METTL9: variants seen among roughly 807,000 people sequenced by gnomAD.
METTL9 encodes protein-L-histidine N-pros-methyltransferase.
A neutral mutation model predicts 36.0 loss-of-function variants in METTL9; 10 were observed. The observed-to-expected ratio is 0.28, with a 90% confidence interval of 0.17 to 0.47. The LOEUF is 0.47. Ranked by LOEUF, METTL9 falls within the 20% of genes least tolerant of loss-of-function variation. The pLI, the probability that METTL9 is intolerant of heterozygous loss-of-function variation, is 0.99. For missense variants in METTL9, 246 were observed against 383.5 expected (o/e 0.64, Z 3.00); for synonymous variants, 175 against 149.7 (o/e 1.17, Z -1.23).
At chr16:21,610,935 G>A (rs1248306187) in intron 1 of METTL9, among the ~76,000 whole-genome samples, 1 of 152,124 alleles carries the variant, frequency 6.6e-6, no homozygotes, top group African/African-American at 2.4e-5. Flanking sequence ...CGTGCACCAG[G>A]AGGTCATGAG....
chr16:21,647,505 G>A lies in METTL9; in HGVS notation c.752-7722G>A, dbSNP rs749276966. 1.9e-5 allele frequency: 31 copies of A among 1,599,614 alleles called. No homozygotes were observed. In the South Asian group the frequency reaches 3.3e-4, roughly 17 times the overall value. ...GCGCCCACAGCACCTGTGGGAGGAA[G>A]CAGATGAGTGGGTTAATGGGCCTGC... On this transcript the variant is annotated intron_variant, in intron 4 of 4. Coordinates refer to ENST00000358154, the MANE Select transcript of METTL9 (RefSeq NM_016025.5).
chr16:21,601,533 C>T (rs1965126475), intron 1 of METTL9, among the ~76,000 whole-genome samples: 1 of 152,098 alleles, frequency 6.6e-6, no homozygotes, highest in Non-Finnish European at 1.5e-5. Flanking sequence ...AAGAATTGCA[C>T]TTATTTTAAA....
At chr16:21,608,034 A>G (rs1019814526) in intron 1 of METTL9, among the ~76,000 whole-genome samples, 2 of 152,236 alleles carry the variant, frequency 1.3e-5, no homozygotes, top group Admixed American at 6.5e-5. Context: ...CTGTAATCCC[A>G]GCTGCTTGGG....
chr16:21,623,221 G>A (rs780684697), intron 3 of METTL9, among the ~76,000 whole-genome samples: 8 of 152,168 alleles, frequency 5.3e-5, no homozygotes, highest in Non-Finnish European at 1.2e-4. Flanking sequence ...TAAGGAATCT[G>A]ACTAGTCCCT....
chr16:21,643,534 G>C, intron 4 of METTL9: 1 of 1,540,342 alleles, frequency 6.5e-7, no homozygotes, highest in Non-Finnish European at 8.9e-7. Flanking sequence ...TATTTTTCAA[G>C]TGTTGGTCTG....
At chr16:21,643,558 T>C (rs1966334041) in intron 4 of METTL9, 1 of 1,603,674 alleles carries the variant, frequency 6.2e-7, no homozygotes, top group Admixed American at 1.7e-5. Context: ...CTTTTGTGAG[T>C]CTTCTTTTAT....
chr16:21,639,418 A>G (rs1412789492), intron 4 of METTL9: 2 of 152,214 alleles, frequency 1.3e-5, no homozygotes, highest in East Asian at 3.8e-4. Context: ...AAATGATCGA[A>G]TTCAACACTT....
chr16:21,616,692 A>G (rs1300176114), intron 2 of METTL9, among the ~76,000 whole-genome samples: 4 of 152,170 alleles, frequency 2.6e-5, no homozygotes, highest in African/African-American at 9.7e-5. Context: ...GTACGAATCT[A>G]CTTTAATGCA....
intron 3 of METTL9, among the ~76,000 whole-genome samples, chr16:21,623,701 GT>G (rs1431516040): frequency 4.0e-5 from 6 of 151,548 alleles, no homozygotes; most frequent in African/African-American, 1.5e-4. Context: ...ATCGAGAGTG[GT>G]TTTTTTTTAA....
chr16:21,599,439 T>G, upstream of METTL9: 21 of 1,123,278 alleles, frequency 1.9e-5, no homozygotes, highest in East Asian at 1.1e-4. This position sits in a 1 kb window ranked among gnomAD's most constrained non-coding sequence, Gnocchi z 4.4. Flanking sequence ...GGCCCGCTCA[T>G]TGGACGGAGG....
intron 4 of METTL9, chr16:21,642,486 G>GT (rs1966297956): frequency 6.6e-6 from 1 of 152,126 alleles, no homozygotes; most frequent in Non-Finnish European, 1.5e-5. Context: ...TGGAAACAAA[G>GT]TATCTGTTCT....
At chr16:21,602,544 A>G (rs527489066) in intron 1 of METTL9, among the ~76,000 whole-genome samples, 2 of 152,352 alleles carry the variant, frequency 1.3e-5, no homozygotes, top group Non-Finnish European at 2.9e-5. Flanking sequence ...TTTACAGCCT[A>G]TGAAATAAGA....
intron 4 of METTL9, among the ~76,000 whole-genome samples, chr16:21,637,686 C>G (rs932292729): frequency 6.6e-6 from 1 of 152,250 alleles, no homozygotes; most frequent in African/African-American, 2.4e-5. Flanking sequence ...CGTACACACC[C>G]GGAACCTGTG....
chr16:21,645,824 T>A (rs1471260558), intron 4 of METTL9, among the ~76,000 whole-genome samples: 1 of 152,232 alleles, frequency 6.6e-6, no homozygotes, highest in East Asian at 1.9e-4. Context: ...ATTTGCTATA[T>A]GCCAGGCACT....
intron 4 of METTL9, chr16:21,627,246 C>T: frequency 1.0e-6 from 1 of 985,248 alleles, no homozygotes; most frequent in Non-Finnish European, 1.2e-6. Flanking sequence ...TTCATGAATG[C>T]TGGACTGTTG....
At position 21,613,290 on chromosome 16, in the gene METTL9, T is replaced by A. The variant is rs538423485; in HGVS notation, c.356+455T>A. On this transcript the variant is annotated intron_variant, in intron 2 of 4. Transcript: ENST00000358154. The stretch of plus-strand genomic sequence containing the variant: ...CCTCCGCCTCCCGGGTTTAAGTAAT[T>A]CTCATGCCTCAGCCTCCCAAGTAGC... 3.3e-5 allele frequency among the ~76,000 whole-genome samples: 5 copies of A among 149,788 alleles called. No homozygotes were observed. The South Asian group carries it at 1.1e-3, about 32-fold the overall frequency.
chr16:21,623,258 A>G (rs1362431068), intron 3 of METTL9, among the ~76,000 whole-genome samples: 1 of 152,222 alleles, frequency 6.6e-6, no homozygotes, highest in African/African-American at 2.4e-5. Context: ...GCTATTTGGA[A>G]GAGGCTTTAG....
Position 21,599,821 on chromosome 16 carries a change from C to G in METTL9, c.88C>G (p.Arg30Gly). The change falls in exon 1 of 5, where the codon CGC becomes GGC. Residue 30 changes from arginine (R) to glycine (G), a missense_variant. Physicochemically the swap from Arg to Gly is moderately radical, Grantham distance 125. Coordinates refer to ENST00000358154, the MANE Select transcript of METTL9 (RefSeq NM_016025.5). The surrounding 1 kb of genome is among the most constrained non-coding windows in gnomAD (Gnocchi z 4.4). ...GTGGACGCTGCGGAGCCCGCTCACC[C>G]GCTCCCTGTACGTGAACATGACTAG... is the stretch of plus-strand genomic sequence containing the variant. ...RMWTLRSPLT[R>G]SLYVNMTSGP... The G allele has an allele frequency of 1.3e-6, 2 of 1,544,242 alleles. No individual in the cohort carries two copies. Among genetic ancestry groups the G allele is most frequent in the Non-Finnish European group, 8.7e-7 (1 of 1,152,156 alleles).
intron 3 of METTL9, among the ~76,000 whole-genome samples, chr16:21,622,369 A>C (rs762253047): frequency 6.6e-6 from 1 of 151,442 alleles, no homozygotes; most frequent in Non-Finnish European, 1.5e-5. Context: ...GCTGGTCTCA[A>C]ACTCCTAGGC....
Sources: gnomAD v4.1 joint callset for allele counts (sites outside exome capture counted in the v4.1 genomes callset) on GRCh38, gnomAD v4.1.1 for gene constraint, Gnocchi (gnomAD v3.1) non-coding constraint, MANE v1.5 for transcripts, NCBI Gene and HGNC (gene_info 2026-07-23, HGNC 2026-07-21) for gene names.